PREX1: variants seen among roughly 807,000 people sequenced by gnomAD.
The protein encoded by PREX1 is phosphatidylinositol 3,4,5-trisphosphate-dependent Rac exchanger 1 protein.
PREX1 carries 41 observed loss-of-function variants against 198.3 expected under a neutral mutation model. The ratio of observed to expected loss-of-function variants is 0.21; its 90% CI spans 0.16 to 0.27. PREX1 has a LOEUF of 0.27. Ranked by LOEUF, PREX1 falls within the 10% of genes least tolerant of loss-of-function variation. PREX1 has a pLI of 1.00. For synonymous variants in PREX1, 843 were observed against 887.2 expected, an observed-to-expected ratio of 0.95 and a Z score of 0.89; for missense variants, 1,620 against 2,200.7, an observed-to-expected ratio of 0.74 and a Z score of 5.28.
the PREX1 span, among the ~76,000 whole-genome samples, chr20:48,886,046 C>A: frequency 6.6e-6 from 1 of 152,150 alleles, no homozygotes; most frequent in Non-Finnish European, 1.5e-5. Flanking sequence ...CTAATGTAAA[C>A]TATGGACTCC....
rs1421578293 is a variant in PREX1, at chr20:48,642,319, T to G, written c.3685-61A>C. 8 of 1,605,114 alleles carry G rather than the reference T, an allele frequency of 5.0e-6. No individual in the cohort carries two copies. The Admixed American group carries it at 1.3e-4, about 27-fold the overall frequency. On this transcript the variant is annotated intron_variant, in intron 28 of 39. Coordinates refer to ENST00000371941, the MANE Select transcript of PREX1 (RefSeq NM_020820.4). ...CGTGGCCCTACACACTGCAGACATCTGGGACCCACAGCCCCCGGGTCATGG... is the reference window on the plus strand; with the variant it reads ...CGTGGCCCTACACACTGCAGACATCGGGGACCCACAGCCCCCGGGTCATGG...
the PREX1 span, among the ~76,000 whole-genome samples, chr20:48,862,807 A>ATATATATGAGTG: frequency 7.9e-6 from 1 of 126,712 alleles, no homozygotes; most frequent in Non-Finnish European, 1.6e-5. Context: ...ATATATATAT[A>ATATATATGAGTG]TATATACTAA....
At chr20:48,645,759 T>C in intron 26 of PREX1, 92 bp downstream of exon 26, 2 of 1,373,064 alleles carry the variant, frequency 1.5e-6, no homozygotes, top group Non-Finnish European at 2.0e-6. Context: ...CCCTGAGAAG[T>C]GTCCACTGAT....
At chr20:48,662,320 A>C (rs1382854418) in intron 15 of PREX1, among the ~76,000 whole-genome samples, 1 of 152,208 alleles carries the variant, frequency 6.6e-6, no homozygotes, top group African/African-American at 2.4e-5. Flanking sequence ...TTTGTGGAAA[A>C]CAGCGTGGAA....
At chr20:48,746,520 G>C (rs1297664252) in intron 2 of PREX1, among the ~76,000 whole-genome samples, 1 of 152,134 alleles carries the variant, frequency 6.6e-6, no homozygotes, top group Non-Finnish European at 1.5e-5. Flanking sequence ...GGACACGAAA[G>C]AGCTCACTTT....
chr20:48,883,059 G>A, the PREX1 span, among the ~76,000 whole-genome samples: 1 of 151,464 alleles, frequency 6.6e-6, no homozygotes, highest in African/African-American at 2.4e-5. Context: ...TCAGCCTCCA[G>A]GCAGCTGGAA....
chr20:48,732,768 T>C (rs924140762), intron 4 of PREX1, among the ~76,000 whole-genome samples: 4 of 152,312 alleles, frequency 2.6e-5, no homozygotes, highest in Middle Eastern at 3.4e-3. Flanking sequence ...GGGGTGACCA[T>C]GTGGCTGAGT....
intron 13 of PREX1, among the ~76,000 whole-genome samples, chr20:48,678,024 T>TA (rs1239335862): frequency 1.3e-5 from 2 of 148,702 alleles, no homozygotes; most frequent in African/African-American, 5.0e-5. Context: ...ACCAAACATA[T>TA]AAAAAAAGGC....
At chr20:48,730,833 A>C (rs1047173585) in intron 4 of PREX1, among the ~76,000 whole-genome samples, 20 of 151,328 alleles carry the variant, frequency 1.3e-4, no homozygotes, top group African/African-American at 3.4e-4. Flanking sequence ...CATCTCCACA[A>C]AAAAAAAATT....
the PREX1 span, among the ~76,000 whole-genome samples, chr20:48,865,021 G>T: frequency 1.3e-5 from 2 of 151,334 alleles, no homozygotes; most frequent in Admixed American, 1.3e-4. Flanking sequence ...TGACAATCAG[G>T]CAAGGAGGCA....
intron 1 of PREX1, among the ~76,000 whole-genome samples, chr20:48,806,522 T>A (rs2090412444): frequency 1.3e-5 from 2 of 152,152 alleles, no homozygotes; most frequent in African/African-American, 4.8e-5. Flanking sequence ...AAATGAAACA[T>A]CTTTTGCACA....
At chr20:48,802,833 G>A (rs183445246) in intron 1 of PREX1, among the ~76,000 whole-genome samples, 64 of 152,338 alleles carry the variant, frequency 4.2e-4, no homozygotes, top group Middle Eastern at 6.8e-3. Context: ...CATTCCCTTT[G>A]CAACAAGGGC....
At chr20:48,639,922 A>G in intron 29 of PREX1, 28 bp from the exon 30 acceptor site, 2 of 1,612,088 alleles carry the variant, frequency 1.2e-6, no homozygotes, top group African/African-American at 1.3e-5. Context: ...CATGAGGGCC[A>G]GGGAAGGGAC....
intron 1 of PREX1, among the ~76,000 whole-genome samples, chr20:48,756,418 C>T (rs187769490): frequency 6.6e-5 from 10 of 152,212 alleles, no homozygotes; most frequent in East Asian, 5.8e-4. Flanking sequence ...AGGATTCCAC[C>T]GCTGACTCAT....
the PREX1 span, among the ~76,000 whole-genome samples, chr20:48,841,677 A>G: frequency 6.6e-6 from 1 of 152,244 alleles, no homozygotes; most frequent in East Asian, 1.9e-4. Context: ...TGAACAACCC[A>G]GGCAGAGACC....
At chr20:48,688,864 G>T in intron 9 of PREX1, 60 bp from the exon 10 acceptor site, 1 of 1,600,062 alleles carries the variant, frequency 6.2e-7, no homozygotes. Flanking sequence ...GGGGGGTAGG[G>T]GGAGACAAGG....
At position 48,724,167 on chromosome 20, in the gene PREX1, G is replaced by A. The variant is rs553247607; in HGVS notation, c.621+2123C>T. Among the ~76,000 whole-genome samples, 53 of 152,280 alleles carry A rather than the reference G, an allele frequency of 3.5e-4. 1 individual carries two copies. In the South Asian group the frequency reaches 0.01, roughly 29 times the overall value. On this transcript the variant is annotated intron_variant, in intron 5 of 39. Transcript: ENST00000371941. ...AGCAGGCAGTAGAGCCATATGGTTA[G>A]GGGTGGTCCTCTGGAATCAGAATGC...
intron 1 of PREX1, among the ~76,000 whole-genome samples, chr20:48,808,822 G>A (rs1335144586): frequency 6.6e-6 from 1 of 152,040 alleles, no homozygotes; most frequent in Non-Finnish European, 1.5e-5. Flanking sequence ...CCTGCCTCAG[G>A]GCCTTTGCAC....
intron 10 of PREX1, among the ~76,000 whole-genome samples, chr20:48,686,882 T>C (rs1407022351): frequency 6.6e-6 from 1 of 152,160 alleles, no homozygotes; most frequent in African/African-American, 2.4e-5. Flanking sequence ...ACACTAAGCC[T>C]CCGTGGCCTG....
Sources: allele counts gnomAD v4.1 joint callset (sites outside exome capture counted in the v4.1 genomes callset), GRCh38; gene constraint gnomAD v4.1.1; transcripts MANE v1.5; gene names NCBI Gene and HGNC (gene_info 2026-07-23, HGNC 2026-07-21).